CALN1: variants seen among roughly 807,000 people sequenced by gnomAD.
CALN1 encodes the protein calcium-binding protein 8.
In CALN1, 17 loss-of-function variants were observed where a neutral mutation model predicts 30.6. The ratio of observed to expected loss-of-function variants is 0.56; its 90% CI spans 0.38 to 0.83. The LOEUF is 0.83. Ranked by LOEUF, CALN1 falls within the 40% of genes least tolerant of loss-of-function variation. The pLI is 0.00. For synonymous variants in CALN1, 156 were observed against 131.4 expected (o/e 1.19, Z -1.28); for missense variants, 291 against 354.9 (o/e 0.82, Z 1.45).
chr7:71,854,053 GT>G (rs1460764016), intron 5 of CALN1, among the ~76,000 whole-genome samples: 2 of 152,136 alleles, frequency 1.3e-5, no homozygotes, highest in Non-Finnish European at 2.9e-5. Flanking sequence ...TAATTTGTGT[GT>G]GTGTGTGTGT....
chr7:72,404,792 G>A (rs913204001), intron 1 of CALN1, among the ~76,000 whole-genome samples: 2 of 152,210 alleles, frequency 1.3e-5, no homozygotes, highest in African/African-American at 2.4e-5. Context: ...GGCTTGAAGA[G>A]CTGTATGTGG....
intron 2 of CALN1, among the ~76,000 whole-genome samples, chr7:72,357,880 A>G (rs1315406417): frequency 6.7e-6 from 1 of 148,464 alleles, no homozygotes; most frequent in Non-Finnish European, 1.5e-5. Context: ...TTTTTTTTAG[A>G]TGGAGTCCCC....
chr7:71,787,923 T>G (rs1314193024), intron 6 of CALN1, 21 bp from the exon 7 acceptor site: 1 of 1,613,610 alleles, frequency 6.2e-7, no homozygotes, highest in Non-Finnish European at 8.5e-7. Context: ...GAGAAGCAGG[T>G]GTGGGAAGAA....
chr7:72,007,664 G>A (rs767402538), intron 5 of CALN1, among the ~76,000 whole-genome samples: 23 of 152,132 alleles, frequency 1.5e-4, no homozygotes, highest in Non-Finnish European at 2.5e-4. Context: ...TAAATTCCAT[G>A]AGTGCGAGAG....
intron 5 of CALN1, among the ~76,000 whole-genome samples, chr7:71,836,749 C>T (rs1264027057): frequency 1.3e-5 from 2 of 151,466 alleles, no homozygotes; most frequent in Non-Finnish European, 2.9e-5. Flanking sequence ...TCCTGATTAG[C>T]TGGGCTTACA....
chr7:72,125,453 T>C (rs568945170), intron 3 of CALN1, among the ~76,000 whole-genome samples: 26 of 152,316 alleles, frequency 1.7e-4, no homozygotes, highest in African/African-American at 6.3e-4. Flanking sequence ...TGCCATCCAC[T>C]AGGGGAAGAC....
chr7:72,409,007 C>A (rs1806909729), intron 1 of CALN1, among the ~76,000 whole-genome samples: 2 of 151,484 alleles, frequency 1.3e-5, no homozygotes, highest in Non-Finnish European at 2.9e-5. Flanking sequence ...GGCAGGGGGG[C>A]AGCGGTGGAA....
chr7:72,102,935 T>C (rs940660245), intron 4 of CALN1, among the ~76,000 whole-genome samples: 4 of 151,972 alleles, frequency 2.6e-5, no homozygotes, highest in African/African-American at 4.8e-5. Flanking sequence ...TAGCTGGGCA[T>C]GGTGGTGGGC....
At position 71,872,330 on chromosome 7, in the gene CALN1, CAG is replaced by C. The variant is rs142810445; in HGVS notation, c.502-61840_502-61839del. On this transcript the variant is annotated intron_variant, in intron 5 of 6. Coordinates refer to ENST00000395275, the MANE Select transcript of CALN1 (RefSeq NM_031468.4). Reference sequence around the variant, plus strand: ...AACTCAAGTTTATCATTTTAAGAGCCAGAGTGTTTTCATTCTAAACATTTTCA... The same window carrying C: ...AACTCAAGTTTATCATTTTAAGAGCCAGTGTTTTCATTCTAAACATTTTCA... Among the ~76,000 whole-genome samples the C allele has an allele frequency of 9.1e-3, 1,391 of 152,270 alleles. 14 individuals carry two copies. The highest frequency in any genetic ancestry group is 0.032 in the African/African-American group (1,319 of 41,560).
At chr7:72,196,031 G>T (rs577280000) in intron 3 of CALN1, among the ~76,000 whole-genome samples, 1 of 152,150 alleles carries the variant, frequency 6.6e-6, no homozygotes, top group African/African-American at 2.4e-5. Context: ...GAGAGAGACA[G>T]AAAGTAGATT....
intron 3 of CALN1, among the ~76,000 whole-genome samples, chr7:72,109,332 G>A (rs1807397702): frequency 6.6e-6 from 1 of 152,132 alleles, no homozygotes; most frequent in East Asian, 1.9e-4. Context: ...TTGTTCATGC[G>A]TAAAATGAGC....
chr7:72,464,669 C>T, the CALN1 span, among the ~76,000 whole-genome samples: 2 of 152,322 alleles, frequency 1.3e-5, no homozygotes, highest in Middle Eastern at 3.4e-3. Context: ...TTAACAGTTG[C>T]CCCAAGTAAC....
intron 5 of CALN1, among the ~76,000 whole-genome samples, chr7:72,018,033 T>C (rs979906158): frequency 6.6e-6 from 1 of 152,060 alleles, no homozygotes; most frequent in Non-Finnish European, 1.5e-5. Context: ...ATGCTCTCTA[T>C]AGCTTGCTGT....
At chr7:71,872,236 C>T (rs1791979782) in intron 5 of CALN1, among the ~76,000 whole-genome samples, 1 of 152,176 alleles carries the variant, frequency 6.6e-6, no homozygotes, top group Admixed American at 6.5e-5. Flanking sequence ...CATGCACCCT[C>T]CATAAGGGCA....
chr7:72,211,929 A>G (rs1394313218), intron 3 of CALN1, among the ~76,000 whole-genome samples: 1 of 152,204 alleles, frequency 6.6e-6, no homozygotes, highest in African/African-American at 2.4e-5. Context: ...CCACATTAAA[A>G]GCACAATAAA....
At chr7:71,988,031 G>A (rs966739871) in intron 5 of CALN1, among the ~76,000 whole-genome samples, 2 of 152,144 alleles carry the variant, frequency 1.3e-5, no homozygotes, top group Non-Finnish European at 2.9e-5. Context: ...TGTGACAACA[G>A]GTGTCAGCAA....
chr7:72,169,329 T>G (rs1015654752), intron 3 of CALN1, among the ~76,000 whole-genome samples: 1 of 152,060 alleles, frequency 6.6e-6, no homozygotes, highest in African/African-American at 2.4e-5. Context: ...TGGTTTTGTT[T>G]TTGGTTTGGA....
chr7:72,091,753 CCA>C (rs1364601101), intron 4 of CALN1, among the ~76,000 whole-genome samples: 1 of 152,152 alleles, frequency 6.6e-6, no homozygotes, highest in Non-Finnish European at 1.5e-5. Context: ...GAGGGGATGG[CCA>C]CTCAACTCCA....
chr7:72,500,269 C>CTTTTTTTTTTTTTTTTTTTTTTTT, the CALN1 span, among the ~76,000 whole-genome samples: 3 of 51,364 alleles, frequency 5.8e-5, no homozygotes, highest in African/African-American at 8.5e-5. Context: ...TTCGTTCCTT[C>CTTTTTTTTTTTTTTTTTTTTTTTT]TTTTTTTTTT....
Sources: gnomAD v4.1 joint callset for allele counts (sites outside exome capture counted in the v4.1 genomes callset) on GRCh38, gnomAD v4.1.1 for gene constraint, MANE v1.5 for transcripts, NCBI Gene and HGNC (gene_info 2026-07-23, HGNC 2026-07-21) for gene names.